The following PPP1R12A variants were observed in gnomAD, a reference collection of about 807,000 sequenced individuals.
The protein encoded by PPP1R12A is protein phosphatase 1 regulatory subunit 12A.
In PPP1R12A, 19 loss-of-function variants were observed where a neutral mutation model predicts 139.6. The observed-to-expected ratio is 0.14, with a 90% confidence interval of 0.09 to 0.20. The LOEUF (loss-of-function observed/expected upper bound fraction) is 0.20. PPP1R12A is among the 10% of genes least tolerant of loss of function. The pLI is 1.00. For missense variants in PPP1R12A, 925 were observed against 1,211.5 expected, an observed-to-expected ratio of 0.76 and a Z score of 3.51; for synonymous variants, 427 against 420.6, an observed-to-expected ratio of 1.02 and a Z score of -0.19.
intron 2 of PPP1R12A, among the ~76,000 whole-genome samples, chr12:79,867,839 C>T (rs1009169176): frequency 6.6e-6 from 1 of 152,048 alleles, no homozygotes; most frequent in Non-Finnish European, 1.5e-5. Flanking sequence ...GGGCTTTCCC[C>T]CCTTTGCTTG....
At chr12:79,922,693 G>C (rs1251164126) in intron 1 of PPP1R12A, among the ~76,000 whole-genome samples, 1 of 152,122 alleles carries the variant, frequency 6.6e-6, no homozygotes, top group East Asian at 1.9e-4. Context: ...CGGGGGCTCA[G>C]GGGCAAGGGT....
chr12:79,780,296 G>C (rs978932211), intron 23 of PPP1R12A: 1 of 151,756 alleles, frequency 6.6e-6, no homozygotes, highest in Non-Finnish European at 1.5e-5. Flanking sequence ...TTTTGTGCCT[G>C]CTTGATATAC....
intron 2 of PPP1R12A, among the ~76,000 whole-genome samples, chr12:79,855,947 T>A (rs184716574): frequency 3.3e-5 from 5 of 152,240 alleles, no homozygotes; most frequent in African/African-American, 1.2e-4. Flanking sequence ...AGTAAGCACT[T>A]GGTAAACGTT....
chr12:79,911,918 C>G (rs990558684), intron 1 of PPP1R12A, among the ~76,000 whole-genome samples: 1 of 152,134 alleles, frequency 6.6e-6, no homozygotes, highest in African/African-American at 2.4e-5. Flanking sequence ...CACTTTAATG[C>G]ATTTCTAGGG....
chr12:79,806,801 T>C (rs764428101), intron 12 of PPP1R12A: 36 of 161,904 alleles, frequency 2.2e-4, no homozygotes, highest in Non-Finnish European at 2.5e-4. Flanking sequence ...AAATTGTTTA[T>C]AGGGCTTTTT....
At chr12:79,832,660 T>C (rs111473890) in intron 3 of PPP1R12A, 169 bp from the exon 4 acceptor site, 2 of 523,496 alleles carry the variant, frequency 3.8e-6, no homozygotes, top group South Asian at 4.0e-5. Context: ...GTGGGGATAT[T>C]GTAGACCTTG....
At chr12:79,935,167 C>T (rs995956164), upstream of PPP1R12A, 1 of 1,338,110 alleles carries the variant, frequency 7.5e-7, no homozygotes, top group Admixed American at 3.9e-5. Flanking sequence ...AGCACGGCCA[C>T]CCGTCACCGG....
chr12:79,875,023 C>A (rs6539479), intron 1 of PPP1R12A, among the ~76,000 whole-genome samples: 121,773 of 152,046 alleles, frequency 0.8, 50,704 homozygotes, highest in Non-Finnish European at 0.92. Context: ...TCATCCTTTT[C>A]AAGTAATTCC....
chr12:79,831,969 A>AATC (rs1250828597), intron 4 of PPP1R12A, among the ~76,000 whole-genome samples: 2 of 152,180 alleles, frequency 1.3e-5, no homozygotes, highest in African/African-American at 4.8e-5. Flanking sequence ...CTCAAAACTG[A>AATC]TGGTATGTTC....
Position 79,776,003 on chromosome 12 carries a change from G to A in PPP1R12A, c.3019C>T (p.Leu1007=). ...TTTAGCCTCTGGTTGTCTGCTTTTAGGTCTGGTAACATCTATAAAGAGAAA... is the reference window on the plus strand; with the variant it reads ...TTTAGCCTCTGGTTGTCTGCTTTTAAGTCTGGTAACATCTATAAAGAGAAA... ...MEEELKMLPD[L]KADNQRLKDE... is the part of the protein sequence containing the mutation. Residue 1007 remains leucine (L), a synonymous_variant, in exon 25 of 25, where the codon CTA becomes TTA. Transcript: ENST00000450142. 1 of 1,593,782 alleles carries A rather than the reference G, an allele frequency of 6.3e-7. No homozygotes were observed. Among genetic ancestry groups the A allele is most frequent in the Non-Finnish European group, 8.6e-7 (1 of 1,169,044 alleles).
chr12:79,836,061 T>A (rs1175008341), intron 3 of PPP1R12A, among the ~76,000 whole-genome samples: 1 of 152,226 alleles, frequency 6.6e-6, no homozygotes, highest in Non-Finnish European at 1.5e-5. Flanking sequence ...GAGATTATAA[T>A]ATCTCATTAC....
At chr12:79,781,289 T>G (rs913520707) in intron 23 of PPP1R12A, among the ~76,000 whole-genome samples, 1 of 152,196 alleles carries the variant, frequency 6.6e-6, no homozygotes, top group Non-Finnish European at 1.5e-5. Context: ...AGGATTTTCT[T>G]GTAATCTTTT....
chr12:79,854,271 T>A (rs1451093715), intron 2 of PPP1R12A, among the ~76,000 whole-genome samples: 1 of 152,122 alleles, frequency 6.6e-6, no homozygotes, highest in Non-Finnish European at 1.5e-5. Context: ...GCACCATAAT[T>A]TTATTTAATT....
intron 2 of PPP1R12A, among the ~76,000 whole-genome samples, chr12:79,864,821 C>T (rs1006198798): frequency 6.6e-6 from 1 of 151,790 alleles, no homozygotes; most frequent in African/African-American, 2.4e-5. Context: ...GAAATTGAGG[C>T]AATAATAGCC....
chr12:79,812,208 G>T (rs368942720), intron 9 of PPP1R12A, among the ~76,000 whole-genome samples: 6 of 152,208 alleles, frequency 3.9e-5, no homozygotes, highest in African/African-American at 1.4e-4. Flanking sequence ...TTTAAGTACT[G>T]CTTTATATGT....
intron 1 of PPP1R12A, among the ~76,000 whole-genome samples, chr12:79,923,062 G>A (rs1433256536): frequency 6.6e-6 from 1 of 152,118 alleles, no homozygotes; most frequent in South Asian, 2.1e-4. Context: ...ATCACCTGAG[G>A]TCAGGAGTTC....
intron 9 of PPP1R12A, among the ~76,000 whole-genome samples, chr12:79,812,382 C>CTGTGTGTGTGTG (rs1555202833): frequency 2.7e-5 from 3 of 112,880 alleles, no homozygotes; most frequent in African/African-American, 9.9e-5. Flanking sequence ...TTGACTGACT[C>CTGTGTGTGTGTG]TGTGTGTGCG....
At position 79,812,077 on chromosome 12, in the gene PPP1R12A, T is replaced by C. The variant is rs1001758084; in HGVS notation, c.1240-2067A>G. ...ACCTTATAATTACCCAATGAAATAC[T>C]ACTATTACTGTTATTTTAGAGTTGA... On this transcript the variant is annotated intron_variant, in intron 9 of 24. Coordinates refer to ENST00000450142, the MANE Select transcript of PPP1R12A (RefSeq NM_002480.3). Among the ~76,000 whole-genome samples the C allele has an allele frequency of 1.6e-4, 24 of 152,306 alleles. 1 individual carries two copies. Among genetic ancestry groups the C allele is most frequent in the Middle Eastern group, 3.4e-3 (1 of 294 alleles).
intron 17 of PPP1R12A, among the ~76,000 whole-genome samples, chr12:79,796,366 G>A (rs1872517337): frequency 6.6e-6 from 1 of 152,084 alleles, no homozygotes; most frequent in Non-Finnish European, 1.5e-5. Flanking sequence ...ATGTGTTTTA[G>A]TGAGAGCATT....
Sources: gnomAD v4.1 joint callset for allele counts (sites outside exome capture counted in the v4.1 genomes callset) on GRCh38, gnomAD v4.1.1 for gene constraint, MANE v1.5 for transcripts, NCBI Gene and HGNC (gene_info 2026-07-23, HGNC 2026-07-21) for gene names.